The following ZNF469 variants were observed in gnomAD, a reference collection of about 807,000 sequenced individuals.
ZNF469 encodes zinc finger protein 469.
A neutral mutation model predicts 1.0 loss-of-function variants in ZNF469; 1 was observed. The observed-to-expected ratio is 1.00, with a 90% confidence interval of 0.35 to 4.73. The LOEUF is 4.73. ZNF469 is among the 30% of genes most tolerant of loss of function. The pLI is 0.16. For synonymous variants in ZNF469, 2,703 were observed against 2,363.4 expected (o/e 1.14, Z -4.17); for missense variants, 6,100 against 5,356.3 (o/e 1.14, Z -4.33).
At chr16:88,237,576 T>C in the ZNF469 span, among the ~76,000 whole-genome samples, 1 of 93,246 alleles carries the variant, frequency 1.1e-5, no homozygotes, top group Admixed American at 1.0e-4. Context: ...CCCTCCGTGC[T>C]CCTGCCACTC....
In ZNF469 at chr16:88,431,415, C is replaced by T. The variant is rs748313775; in HGVS notation, c.3945C>T (p.Asn1315=). The T allele has an allele frequency of 7.7e-6, 12 of 1,550,226 alleles. No individual in the cohort carries two copies. Among genetic ancestry groups the T allele is most frequent in the Non-Finnish European group, 1.0e-5 (12 of 1,146,994 alleles). ...PGGTQAPVSH[N]SKDPPARQPG... The stretch of plus-strand genomic sequence containing the variant: ...GCACACAGGCCCCAGTCTCCCACAA[C>T]AGCAAGGACCCCCCTGCCCGCCAGC... The change falls in exon 3 of 3, where the codon AAC becomes AAT. Residue 1315 remains asparagine (N), a synonymous_variant. Coordinates refer to ENST00000565624, the MANE Select transcript of ZNF469 (RefSeq NM_001367624.2).
At chr16:88,177,724 T>G in the ZNF469 span, 2 of 152,184 alleles carry the variant, frequency 1.3e-5, no homozygotes, top group Non-Finnish European at 2.9e-5. The surrounding 1 kb of genome is among the most constrained non-coding windows in gnomAD (Gnocchi z 4.8). Context: ...TTTTATTTTT[T>G]TGAGGCAGGG....
In ZNF469 at chr16:88,389,360, G is replaced by A. The variant is rs575635604; in HGVS notation, c.-192+6106G>A. 3.9e-5 allele frequency among the ~76,000 whole-genome samples: 6 copies of A among 152,362 alleles called. No homozygotes were observed. In the South Asian group the frequency reaches 6.2e-4, roughly 16 times the overall value. On this transcript the variant is annotated intron_variant, in intron 1 of 2. Coordinates refer to ENST00000565624, the MANE Select transcript of ZNF469 (RefSeq NM_001367624.2). Reference sequence around the variant, plus strand: ...GCTTCCTTCGTCTTTGCGGCTGAGCGCTGTTCTGCCCCGTGGACGGAGCAC... The same window carrying A: ...GCTTCCTTCGTCTTTGCGGCTGAGCACTGTTCTGCCCCGTGGACGGAGCAC...
chr16:88,296,015 G>A, the ZNF469 span, among the ~76,000 whole-genome samples: 320 of 152,302 alleles, frequency 2.1e-3, 1 homozygote, highest in African/African-American at 7.0e-3. Flanking sequence ...TTTGATAAGC[G>A]TCCCCCCTCG....
Position 88,429,640 on chromosome 16 carries a change from C to T in ZNF469, c.2170C>T (p.Leu724=). The T allele has an allele frequency of 6.5e-7, 1 of 1,543,270 alleles. No homozygotes were observed. The highest frequency in any genetic ancestry group is 1.2e-5 in the South Asian group (1 of 83,416). The change falls in exon 3 of 3, where the codon CTG becomes TTG. Residue 724 remains leucine (L), a synonymous_variant. Coordinates refer to ENST00000565624, the MANE Select transcript of ZNF469 (RefSeq NM_001367624.2). ...THHFSLSSAS[L]DQLDVLLTCR... is the part of the protein sequence containing the mutation. ...CCACTTCTCCCTCAGCAGCGCCAGC[C>T]TGGACCAGCTGGACGTGCTGCTGAC...
chr16:88,419,044 C>T lies in ZNF469; in HGVS notation c.-191-5763C>T, dbSNP rs1163737462. Among the ~76,000 whole-genome samples, 6 of 152,192 alleles carry T rather than the reference C, an allele frequency of 3.9e-5. 1 individual carries two copies. The highest frequency in any genetic ancestry group is 4.1e-4 in the South Asian group (2 of 4,832). ...GCCGGATGGGTGTGATGGGCAGACA[C>T]GATGCTCAGGATGAAGGCCGGGGCA... is the stretch of plus-strand genomic sequence containing the variant. On this transcript the variant is annotated intron_variant, in intron 1 of 2. Coordinates refer to ENST00000565624, the MANE Select transcript of ZNF469 (RefSeq NM_001367624.2).
the ZNF469 span, among the ~76,000 whole-genome samples, chr16:88,114,097 C>A: frequency 6.6e-6 from 1 of 152,064 alleles, no homozygotes; most frequent in Admixed American, 6.5e-5. Flanking sequence ...GCAAGTCCCT[C>A]CACCTCTCTG....
the ZNF469 span, among the ~76,000 whole-genome samples, chr16:88,108,818 A>G: frequency 1.3e-5 from 2 of 152,340 alleles, no homozygotes; most frequent in East Asian, 3.9e-4. Flanking sequence ...AGGGGAGTCC[A>G]GTGCCATGTG....
rs1017679214 is a variant in ZNF469 at position 88,429,596 on chromosome 16, C to A, written c.2126C>A (p.Pro709Gln). The change falls in exon 3 of 3, where the codon CCG becomes CAG. Residue 709 changes from proline (P) to glutamine (Q), a missense_variant. Coordinates refer to ENST00000565624, the MANE Select transcript of ZNF469 (RefSeq NM_001367624.2). ...RGGLQGFPRA[P>Q]PPYPTHHFSL... is the part of the protein sequence containing the mutation. ...GGGCTGCAGGGCTTCCCCCGTGCGC[C>A]GCCTCCGTACCCCACACACCACTTC... The A allele has an allele frequency of 5.8e-6, 9 of 1,549,176 alleles. No homozygotes were observed. The highest frequency in any genetic ancestry group is 7.9e-6 in the Non-Finnish European group (9 of 1,146,340).
At chr16:88,333,063 T>A in the ZNF469 span, among the ~76,000 whole-genome samples, 1 of 152,282 alleles carries the variant, frequency 6.6e-6, no homozygotes, top group East Asian at 1.9e-4. Flanking sequence ...CATTGGTGAT[T>A]TGGCGGTAAA....
At chr16:88,352,045 G>A in the ZNF469 span, among the ~76,000 whole-genome samples, 3 of 152,174 alleles carry the variant, frequency 2.0e-5, no homozygotes, top group Non-Finnish European at 4.4e-5. Flanking sequence ...GGCCACACAT[G>A]GTGGGATTCC....
At chr16:88,158,110 C>A in the ZNF469 span, among the ~76,000 whole-genome samples, 4 of 152,056 alleles carry the variant, frequency 2.6e-5, no homozygotes, top group South Asian at 8.3e-4. Context: ...TGCCTGAGCC[C>A]TATAGACTCA....
chr16:88,294,711 C>T, the ZNF469 span: 1 of 152,252 alleles, frequency 6.6e-6, no homozygotes, highest in Admixed American at 6.5e-5. Flanking sequence ...TCTCTGCTTT[C>T]TTTGTAGATC....
At chr16:88,212,700 C>T in the ZNF469 span, among the ~76,000 whole-genome samples, 3 of 152,162 alleles carry the variant, frequency 2.0e-5, 1 homozygote, top group South Asian at 6.2e-4. Flanking sequence ...CCCACCTTAG[C>T]CTCCCAAGTA....
At chr16:88,140,811 T>C in the ZNF469 span, among the ~76,000 whole-genome samples, 1,179 of 152,246 alleles carry the variant, frequency 7.7e-3, 11 homozygotes, top group African/African-American at 0.025. Context: ...CGGGCGCCTA[T>C]AATCCCTGCT....
chr16:88,220,501 G>T, the ZNF469 span, among the ~76,000 whole-genome samples: 1 of 152,198 alleles, frequency 6.6e-6, no homozygotes, highest in Admixed American at 6.5e-5. Flanking sequence ...GAATGCCACA[G>T]TGTGACCCAT....
the ZNF469 span, among the ~76,000 whole-genome samples, chr16:88,312,897 C>T: frequency 7.9e-5 from 12 of 152,174 alleles, no homozygotes; most frequent in Admixed American, 3.3e-4. Flanking sequence ...CATGCCCTCA[C>T]GAATTATTCT....
At chr16:88,252,734 A>G in the ZNF469 span, among the ~76,000 whole-genome samples, 1 of 152,210 alleles carries the variant, frequency 6.6e-6, no homozygotes, top group Non-Finnish European at 1.5e-5. Flanking sequence ...ACTTACAGTA[A>G]TAAGCACATA....
the ZNF469 span, among the ~76,000 whole-genome samples, chr16:88,209,192 C>T: frequency 6.6e-6 from 1 of 152,172 alleles, no homozygotes; most frequent in Non-Finnish European, 1.5e-5. Context: ...AATGTCGCTC[C>T]CTAGTCCATC....
Sources: allele counts gnomAD v4.1 joint callset (sites outside exome capture counted in the v4.1 genomes callset), GRCh38; gene constraint gnomAD v4.1.1; non-coding constraint Gnocchi (gnomAD v3.1); transcripts MANE v1.5; gene names NCBI Gene and HGNC (gene_info 2026-07-23, HGNC 2026-07-21).